The following KRT16 variants were observed in gnomAD, a reference collection of about 807,000 sequenced individuals.
KRT16 encodes the protein keratin, type I cytoskeletal 16.
KRT16 carries 42 observed loss-of-function variants against 44.8 expected under a neutral mutation model. That is an observed-to-expected ratio of 0.94 (90% CI 0.73 to 1.21). The LOEUF (loss-of-function observed/expected upper bound fraction) is 1.21. Among genes scored for constraint, KRT16 ranks in the 50% most tolerant of loss-of-function variants. The pLI is 0.00. For synonymous variants in KRT16, 226 were observed against 260.4 expected, an observed-to-expected ratio of 0.87 and a Z score of 1.27; for missense variants, 561 against 626.9, an observed-to-expected ratio of 0.89 and a Z score of 1.12.
In KRT16 at chr17:41,612,478, C is replaced by T. The variant is rs1358460741; in HGVS notation, c.211G>A (p.Gly71Ser). 6.2e-7 allele frequency: 1 copy of T among 1,608,616 alleles called. No individual in the cohort carries two copies. The highest frequency in any genetic ancestry group is 1.7e-5 in the Admixed American group (1 of 59,538). ...CCAAAGCTGCTGCTGCTGCTGAAGC[C>T]ACCGCCATAGCCGCCCCCCAGCCCG... ...ACGLGGGYGG[G>S]FSSSSSFGSG... is the part of the protein sequence containing the mutation. The change falls in exon 1 of 8, where the codon GGC (glycine) becomes AGC (serine). Residue 71 changes from glycine (G) to serine (S), a missense_variant. Transcript: ENST00000301653.
At position 41,610,706 on chromosome 17, in the gene KRT16, G is replaced by C. The variant is rs1306500569; in HGVS notation, c.1059+148C>G. 44 of 1,476,976 alleles carry C rather than the reference G, an allele frequency of 3.0e-5. 1 individual carries two copies. The South Asian group carries it at 4.7e-4, about 16-fold the overall frequency. 91.5% of individuals were successfully genotyped at this position (1,476,976 alleles called of 1,614,324 possible). A position where few individuals can be genotyped will look rare whatever the true frequency, so the allele number is the denominator to read the frequency against. ...GAGAAAAGCTAGCCCACTATTCTAGGGCTTAGTTTCTCTATCTATATAACG... is the reference window on the plus strand; with the variant it reads ...GAGAAAAGCTAGCCCACTATTCTAGCGCTTAGTTTCTCTATCTATATAACG... On this transcript the variant is annotated intron_variant, in intron 5 of 7. Coordinates refer to ENST00000301653, the MANE Select transcript of KRT16 (RefSeq NM_005557.4).
chr17:41,610,244 A>T lies in KRT16; in HGVS notation c.1281-8T>A. On this transcript the variant is annotated splice_region_variant and splice_polypyrimidine_tract_variant and intron_variant, in intron 6 of 7. Transcript: ENST00000301653. ...GCTTGCTGGGAGGAAAGGCTGTGGG[A>T]GAGAAAAAGCAGGGCAGTCAGTTGT... The T allele has an allele frequency of 2.5e-6, 4 of 1,613,916 alleles. No individual in the cohort carries two copies. Among genetic ancestry groups the T allele is most frequent in the Non-Finnish European group, 3.4e-6 (4 of 1,179,824 alleles).
In KRT16 at chr17:41,610,196, G is replaced by A. The variant is rs773801621; in HGVS notation, c.1321C>T (p.Arg441Cys). 13 of 1,613,954 alleles carry A rather than the reference G, an allele frequency of 8.1e-6. No homozygotes were observed. Among genetic ancestry groups the A allele is most frequent in the East Asian group, 2.2e-5 (1 of 44,888 alleles). ...GGAGCCTCAGAAGCCTTACCCTCGC[G>A]GGAAGAATAGGATTGGCCAGATGCT... ...QQASGQSYSS[R>C]EVFTSSSSSS... Residue 441 changes from arginine (R) to cysteine (C), a missense_variant, in exon 7 of 8, where the codon CGC becomes TGC. By Grantham distance (180) the Arg-to-Cys change is radical. Coordinates refer to ENST00000301653, the MANE Select transcript of KRT16 (RefSeq NM_005557.4).
intron 2 of KRT16, 41 bp from the exon 3 acceptor site, chr17:41,611,542 G>A (rs772092665): frequency 6.2e-7 from 1 of 1,612,082 alleles, no homozygotes; most frequent in Non-Finnish European, 8.5e-7. Flanking sequence ...GCAGCCCTGA[G>A]GATTCTGAGG....
At chr17:41,611,281 C>G in intron 3 of KRT16, 51 bp from the exon 4 acceptor site, 1 of 1,613,908 alleles carries the variant, frequency 6.2e-7, no homozygotes, top group East Asian at 2.2e-5. Flanking sequence ...CTCTCCTGGC[C>G]CTGGGTGCAT....
chr17:41,611,238 G>C lies in KRT16; in HGVS notation c.772-8C>G. On this transcript the variant is annotated splice_polypyrimidine_tract_variant and splice_region_variant and intron_variant, in intron 3 of 7. Coordinates refer to ENST00000301653, the MANE Select transcript of KRT16 (RefSeq NM_005557.4). ...TCTCAGAGCAAGCATCTCCTGGGAA[G>C]GGATGGCAGGAGGCGGTCAGTTCAG... is the stretch of plus-strand genomic sequence containing the variant. 6.2e-7 allele frequency: 1 copy of C among 1,613,994 alleles called. No individual in the cohort carries two copies. The highest frequency in any genetic ancestry group is 1.7e-5 in the Admixed American group (1 of 60,018).
In KRT16 at chr17:41,611,368, A is replaced by G. The variant is rs1353160587; in HGVS notation, c.748T>C (p.Tyr250His). The change falls in exon 3 of 8, where the codon TAC becomes CAC. Residue 250 changes from tyrosine to histidine, a missense_variant. Coordinates refer to ENST00000301653, the MANE Select transcript of KRT16 (RefSeq NM_005557.4). The part of the protein sequence containing the change: ...QIEGLKEELA[Y>H]LRKNHEEEML... ...ACCTCCTCGTGGTTCTTCCTCAGGT[A>G]GGCCAGCTCCTCCTTCAGGCCTTCG... is the stretch of plus-strand genomic sequence containing the variant. 1.9e-6 allele frequency: 3 copies of G among 1,614,044 alleles called. No homozygotes were observed. The highest frequency in any genetic ancestry group is 1.3e-5 in the African/African-American group (1 of 74,924).
Position 41,612,436 on chromosome 17 carries a change from C to T in KRT16, c.253G>A (p.Gly85Arg). The T allele has an allele frequency of 6.2e-7, 1 of 1,613,790 alleles. No individual in the cohort carries two copies. Among genetic ancestry groups the T allele is most frequent in the Non-Finnish European group, 8.5e-7 (1 of 1,179,894 alleles). Residue 85 changes from glycine to arginine, a missense_variant, in exon 1 of 8, where the codon GGA (glycine) becomes AGA (arginine). Physicochemically the swap from Gly to Arg is moderately radical, Grantham distance 125 (BLOSUM62 -2). Transcript: ENST00000301653. ...CCAGCACCAAGGCCACCACCATATC[C>T]TCCCCCGAAGCCACTACCAAAGCTG... ...SSSFGSGFGG[G>R]YGGGLGAGFG...
At chr17:41,612,085 G>C in intron 1 of KRT16, 73 bp downstream of exon 1, 1 of 1,563,962 alleles carries the variant, frequency 6.4e-7, no homozygotes, top group Non-Finnish European at 8.8e-7. Flanking sequence ...AAGTGTAATT[G>C]CTAAAAAGAG....
chr17:41,610,622 T>G (rs1171208104), intron 5 of KRT16, 71 bp from the exon 6 acceptor site: 2 of 1,571,574 alleles, frequency 1.3e-6, no homozygotes, highest in African/African-American at 1.4e-5. Flanking sequence ...CTGGGCATGT[T>G]TTTTGAGAGA....
chr17:41,611,300 C>A (rs1166322005), intron 3 of KRT16, 45 bp downstream of exon 3: 2 of 1,613,946 alleles, frequency 1.2e-6, no homozygotes, highest in East Asian at 2.2e-5. Context: ...ATCTGGCAAC[C>A]CCACCAAACC....
chr17:41,609,927 G>A lies in KRT16; in HGVS notation c.*8C>T, dbSNP rs556892497. The A allele has an allele frequency of 5.0e-6, 8 of 1,610,916 alleles. No homozygotes were observed. In the South Asian group the frequency reaches 7.7e-5, roughly 16 times the overall value. On this transcript the variant is annotated 3_prime_UTR_variant, in exon 8 of 8. Coordinates refer to ENST00000301653, the MANE Select transcript of KRT16 (RefSeq NM_005557.4). Reference sequence around the variant, plus strand: ...TGGGCAGGAGGCTGTGGTAGAGGCAGCTCAGTTCTAGGAGCTCTGGCCCTG... The same window carrying A: ...TGGGCAGGAGGCTGTGGTAGAGGCAACTCAGTTCTAGGAGCTCTGGCCCTG...
chr17:41,611,977 C>G, intron 1 of KRT16, 181 bp downstream of exon 1: 1 of 859,278 alleles, frequency 1.2e-6, no homozygotes, highest in Non-Finnish European at 1.9e-6. Context: ...GGTAACAGCC[C>G]CAGTCCGGGC....
In KRT16 at chr17:41,612,491, G is replaced by T. The variant is rs142717659; in HGVS notation, c.198C>A (p.Gly66=). 6.2e-7 allele frequency: 1 copy of T among 1,606,506 alleles called. No individual in the cohort carries two copies. Among genetic ancestry groups the T allele is most frequent in the Non-Finnish European group, 8.5e-7 (1 of 1,176,726 alleles). ...TGCTGCTGAAGCCACCGCCATAGCCGCCCCCCAGCCCGCAGGCTCCCCCAG... is the reference window on the plus strand; with the variant it reads ...TGCTGCTGAAGCCACCGCCATAGCCTCCCCCCAGCCCGCAGGCTCCCCCAG... ...FSSGGACGLG[G]GYGGGFSSSS... is the part of the protein sequence containing the mutation. The change falls in exon 1 of 8, where the codon GGC becomes GGA. Residue 66 remains glycine, a synonymous_variant. Coordinates refer to ENST00000301653, the MANE Select transcript of KRT16 (RefSeq NM_005557.4).
chr17:41,610,225 T>G lies in KRT16; in HGVS notation c.1292A>C (p.Gln431Pro). 6.2e-7 allele frequency: 1 copy of G among 1,613,968 alleles called. No individual in the cohort carries two copies. Among genetic ancestry groups the G allele is most frequent in the Non-Finnish European group, 8.5e-7 (1 of 1,179,846 alleles). ...LEGEDAHLSSQQASGQSYSSR... is the reference protein window; with the variant it reads ...LEGEDAHLSSPQASGQSYSSR... ...AGAATAGGATTGGCCAGATGCTTGC[T>G]GGGAGGAAAGGCTGTGGGAGAGAAA... Residue 431 changes from glutamine to proline, a missense_variant, in exon 7 of 8, where the codon CAG becomes CCG. Coordinates refer to ENST00000301653, the MANE Select transcript of KRT16 (RefSeq NM_005557.4).
At position 41,612,604 on chromosome 17, in the gene KRT16, T is replaced by G; in HGVS notation, c.85A>C (p.Ser29Arg). Residue 29 changes from serine to arginine, a missense_variant, in exon 1 of 8, where the codon AGC becomes CGC. Coordinates refer to ENST00000301653, the MANE Select transcript of KRT16 (RefSeq NM_005557.4). The part of the protein sequence containing the change: ...GIGGGIGGGS[S>R]RISSVLAGGS... Reference sequence around the variant, plus strand: ...CCGGCCAGGACGGAGGAGATGCGGCTGGAGCCGCCCCCGATGCCGCCTCCG... The same window carrying G: ...CCGGCCAGGACGGAGGAGATGCGGCGGGAGCCGCCCCCGATGCCGCCTCCG... 1 of 1,596,712 alleles carries G rather than the reference T, an allele frequency of 6.3e-7. No homozygotes were observed. Among genetic ancestry groups the G allele is most frequent in the Non-Finnish European group, 8.5e-7 (1 of 1,172,468 alleles).
Position 41,612,657 on chromosome 17 carries a change from G to C in KRT16, c.32C>G (p.Ser11Cys). The change falls in exon 1 of 8, where the codon TCC (serine) becomes TGC (cysteine). Residue 11 changes from serine (S) to cysteine (C), a missense_variant. Ser to Cys is a moderately radical substitution (Grantham distance 112). Transcript: ENST00000301653. ...GCCGCAGGAGCCCTTCATGGAGCTG[G>C]AGGAGGTGAACTGGCGGCTGCAGGT... Reference protein sequence around the residue: MTTCSRQFTSSSSMKGSCGIG... With the variant: MTTCSRQFTSCSSMKGSCGIG... 3 of 1,602,312 alleles carry C rather than the reference G, an allele frequency of 1.9e-6. No individual in the cohort carries two copies. The highest frequency in any genetic ancestry group is 2.6e-6 in the Non-Finnish European group (3 of 1,175,420).
chr17:41,610,716 CTCTA>C (rs1908160388), intron 5 of KRT16, 134 bp downstream of exon 5: 3 of 1,495,068 alleles, frequency 2.0e-6, no homozygotes, highest in South Asian at 1.1e-5. Context: ...GGCTTAGTTT[CTCTA>C]TCTATATAAC....
intron 7 of KRT16, 72 bp from the exon 8 acceptor site, chr17:41,610,101 G>A (rs1335065222): frequency 1.3e-6 from 2 of 1,584,120 alleles, no homozygotes; most frequent in Admixed American, 1.7e-5. Context: ...GAGAAGGGAG[G>A]GCTGGGAGCT....
Sources: gnomAD v4.1 joint callset for allele counts on GRCh38, gnomAD v4.1.1 for gene constraint, MANE v1.5 for transcripts, NCBI Gene and HGNC (gene_info 2026-07-23, HGNC 2026-07-21) for gene names.